The following AK8 variants were observed in gnomAD, a reference collection of about 807,000 sequenced individuals.
AK8 encodes the protein ATP-AMP transphosphorylase 8.
AK8 carries 44 observed loss-of-function variants against 54.6 expected under a neutral mutation model. The ratio of observed to expected loss-of-function variants is 0.81; its 90% CI spans 0.63 to 1.04. The LOEUF (loss-of-function observed/expected upper bound fraction) is 1.04, where lower values mean the gene tolerates loss of function less well. Ranked by LOEUF, AK8 falls within the 50% of genes least tolerant of loss-of-function variation. The pLI, the probability that AK8 is intolerant of heterozygous loss-of-function variation, is 0.00. For synonymous variants in AK8, 239 were observed against 245.6 expected, an observed-to-expected ratio of 0.97 and a Z score of 0.25; for missense variants, 555 against 613.6, an observed-to-expected ratio of 0.90 and a Z score of 1.01.
At position 132,813,674 on chromosome 9, in the gene AK8, T is replaced by C. The variant is rs545369704; in HGVS notation, c.979+964A>G. Among the ~76,000 whole-genome samples the C allele has an allele frequency of 1.1e-4, 16 of 152,316 alleles. No homozygotes were observed. In the East Asian group the frequency reaches 2.9e-3, roughly 28 times the overall value. ...GATCCCCAGAAGCCCAGCCGCCAAC[T>C]GGCTGTGTGGCCTCAGCAGCTCAGT... On this transcript the variant is annotated intron_variant, in intron 10 of 12. Transcript: ENST00000298545.
At chr9:132,866,301 A>G (rs1039817294) in intron 3 of AK8, among the ~76,000 whole-genome samples, 1 of 152,222 alleles carries the variant, frequency 6.6e-6, no homozygotes, top group Non-Finnish European at 1.5e-5. Flanking sequence ...CACTGTCCAG[A>G]AACTGGTGAT....
At chr9:132,732,315 A>C (rs997463291) in intron 11 of AK8, among the ~76,000 whole-genome samples, 4 of 152,148 alleles carry the variant, frequency 2.6e-5, no homozygotes, top group African/African-American at 9.7e-5. Flanking sequence ...AACATTTGGG[A>C]TTATGGCATT....
chr9:132,794,414 C>T (rs78512292), intron 10 of AK8, among the ~76,000 whole-genome samples: 3,886 of 152,282 alleles, frequency 0.026, 171 homozygotes, highest in African/African-American at 0.089. Flanking sequence ...GAACACCCTT[C>T]TCCCACATCT....
At position 132,788,912 on chromosome 9, in the gene AK8, C is replaced by CA. The variant is rs578213630; in HGVS notation, c.1121+3721dup. Among the ~76,000 whole-genome samples the CA allele has an allele frequency of 8.1e-4, 122 of 150,232 alleles. 1 individual carries two copies. Among genetic ancestry groups the CA allele is most frequent in the African/African-American group, 2.3e-3 (96 of 41,070 alleles). On this transcript the variant is annotated intron_variant, in intron 11 of 12. Coordinates refer to ENST00000298545, the MANE Select transcript of AK8 (RefSeq NM_152572.3). The stretch of plus-strand genomic sequence containing the variant: ...TCCATATTATAGATGCATATTAATG[C>CA]AAAAAAAAATGTAGCCAATACAATC...
At chr9:132,876,328 T>C (rs938991465) in intron 1 of AK8, among the ~76,000 whole-genome samples, 1 of 151,900 alleles carries the variant, frequency 6.6e-6, no homozygotes, top group Non-Finnish European at 1.5e-5. Context: ...TAAATCATTG[T>C]GTATTTAACG....
At chr9:132,785,956 A>G (rs1839686530) in intron 11 of AK8, among the ~76,000 whole-genome samples, 1 of 152,232 alleles carries the variant, frequency 6.6e-6, no homozygotes, top group Non-Finnish European at 1.5e-5. Context: ...CAGAAAAACG[A>G]TAGGAAAGGC....
chr9:132,795,327 T>C (rs1361749803), intron 10 of AK8, among the ~76,000 whole-genome samples: 2 of 151,872 alleles, frequency 1.3e-5, no homozygotes, highest in East Asian at 1.9e-4. Flanking sequence ...CCTCCTGCTA[T>C]AGACCCCCTG....
At chr9:132,729,344 T>C (rs1162178768) in intron 11 of AK8, among the ~76,000 whole-genome samples, 1 of 152,162 alleles carries the variant, frequency 6.6e-6, no homozygotes, top group East Asian at 1.9e-4. Context: ...CAAATAATGA[T>C]CTGGCCCCAA....
intron 10 of AK8, among the ~76,000 whole-genome samples, chr9:132,796,265 A>G (rs1239423030): frequency 6.6e-6 from 1 of 152,236 alleles, no homozygotes; most frequent in African/African-American, 2.4e-5. Flanking sequence ...GAACCAATAC[A>G]AAGTTTCTCA....
Position 132,814,686 on chromosome 9 carries a change from T to C in AK8, c.931A>G (p.Thr311Ala), listed in dbSNP as rs2131260721. 1 of 1,613,992 alleles carries C rather than the reference T, an allele frequency of 6.2e-7. No homozygotes were observed. Among genetic ancestry groups the C allele is most frequent in the Non-Finnish European group, 8.5e-7 (1 of 1,180,016 alleles). Residue 311 changes from threonine (T) to alanine (A), a missense_variant, in exon 10 of 13, where the codon ACC becomes GCC. Coordinates refer to ENST00000298545, the MANE Select transcript of AK8 (RefSeq NM_152572.3). ...QLLKEAVADR[T>A]TFGELIQPFF... The stretch of plus-strand genomic sequence containing the variant: ...GGCTGGATGAGCTCGCCAAACGTGG[T>C]CCTATCTGCCACAGCCTCTTTCAGC...
At chr9:132,823,059 A>G (rs897207352) in intron 9 of AK8, 146 bp downstream of exon 9, 1 of 1,159,442 alleles carries the variant, frequency 8.6e-7, no homozygotes, top group African/African-American at 1.6e-5. Flanking sequence ...CTAACAGAAA[A>G]TGGTTAAGAA....
At chr9:132,765,292 CAAAAAAAAAA>C (rs61495439) in intron 11 of AK8, among the ~76,000 whole-genome samples, 1,157 of 62,834 alleles carry the variant, frequency 0.018, 49 homozygotes, top group African/African-American at 0.073. Context: ...GACTCCATTT[CAAAAAAAAAA>C]AAAAAAAAAA....
intron 3 of AK8, among the ~76,000 whole-genome samples, chr9:132,866,265 ACATTCACTGTCCAGAAAAGGG>A (rs1168638133): frequency 1.1e-4 from 17 of 152,332 alleles, no homozygotes; most frequent in African/African-American, 2.4e-4. Context: ...CAGTTTCTGG[ACATTCACTGTCCAGAAAAGGG>A]CATTCACTGT....
chr9:132,830,870 T>C (rs1174010160), intron 5 of AK8, among the ~76,000 whole-genome samples: 1 of 152,230 alleles, frequency 6.6e-6, no homozygotes, highest in Non-Finnish European at 1.5e-5. Context: ...TGATACATAT[T>C]CACTTGCCTT....
At chr9:132,782,561 C>T (rs1330439462) in intron 11 of AK8, among the ~76,000 whole-genome samples, 7 of 152,052 alleles carry the variant, frequency 4.6e-5, no homozygotes, top group African/African-American at 1.7e-4. Context: ...TGGTGGCACG[C>T]GCCTGTAATC....
intron 11 of AK8, among the ~76,000 whole-genome samples, chr9:132,733,834 T>C (rs1002912429): frequency 6.6e-5 from 10 of 152,300 alleles, no homozygotes; most frequent in South Asian, 2.1e-4. Flanking sequence ...CAGACCCTCC[T>C]GGTGTGGGTG....
intron 10 of AK8, among the ~76,000 whole-genome samples, chr9:132,810,956 G>C (rs568834131): frequency 2.3e-4 from 35 of 152,252 alleles, no homozygotes; most frequent in African/African-American, 8.4e-4. Context: ...ACAAAAAATT[G>C]CTTAACTGGA....
At chr9:132,875,981 G>A (rs962901728) in intron 1 of AK8, among the ~76,000 whole-genome samples, 3 of 152,226 alleles carry the variant, frequency 2.0e-5, no homozygotes, top group African/African-American at 7.2e-5. Context: ...GCAGCTTCTG[G>A]GGTTGCAGAA....
intron 10 of AK8, among the ~76,000 whole-genome samples, chr9:132,807,257 G>T (rs758568756): frequency 6.6e-6 from 1 of 152,200 alleles, no homozygotes; most frequent in African/African-American, 2.4e-5. Context: ...CGAGCCAGTT[G>T]GGCAGGTGTT....
Sources: allele counts gnomAD v4.1 joint callset (sites outside exome capture counted in the v4.1 genomes callset), GRCh38; gene constraint gnomAD v4.1.1; transcripts MANE v1.5; gene names NCBI Gene and HGNC (gene_info 2026-07-23, HGNC 2026-07-21).